CDH18: variants seen among roughly 807,000 people sequenced by gnomAD.
CDH18 encodes cadherin 18, also known as cadherin-18.
CDH18 carries 31 observed loss-of-function variants against 67.9 expected under a neutral mutation model. That is an observed-to-expected ratio of 0.46 (90% CI 0.34 to 0.62). CDH18 has a LOEUF of 0.62. Ranked by LOEUF, CDH18 falls within the 20% of genes least tolerant of loss-of-function variation. The probability of loss-of-function intolerance (pLI) is 0.01; values close to 1 mark genes in which losing one functional copy is unlikely to be tolerated. For synonymous variants in CDH18, 362 were observed against 347.2 expected (o/e 1.04, Z -0.48); for missense variants, 890 against 975.5 (o/e 0.91, Z 1.17).
intron 5 of CDH18, among the ~76,000 whole-genome samples, chr5:19,662,949 T>C (rs982364388): frequency 1.3e-5 from 2 of 151,966 alleles, no homozygotes; most frequent in Admixed American, 6.6e-5. Flanking sequence ...AATAAATTGG[T>C]TAGAAAAGTT....
rs116807329 is a variant in CDH18, at chr5:19,859,170, C to T, written c.-256-19928G>A. Among the ~76,000 whole-genome samples, 428 of 152,168 alleles carry T rather than the reference C, an allele frequency of 2.8e-3. 2 individuals are homozygous for T. Among genetic ancestry groups the T allele is most frequent in the Middle Eastern group, 0.01 (3 of 294 alleles). On this transcript the variant is annotated intron_variant, in intron 2 of 12. Transcript: ENST00000382275. ...TCAGCCAAGGGCATTCCAAAGTTAA[C>T]CTGAAAAACTAGTTCAGGCCATGAT...
chr5:19,553,489 C>T (rs1007879941), intron 8 of CDH18, among the ~76,000 whole-genome samples: 19 of 151,732 alleles, frequency 1.3e-4, no homozygotes, highest in African/African-American at 4.4e-4. Flanking sequence ...TTTGCAGGTA[C>T]AAGACATGAA....
At chr5:19,611,949 C>CGTGTGTGTGTGTGTGTGTGT (rs3062879) in intron 6 of CDH18, among the ~76,000 whole-genome samples, 4 of 139,014 alleles carry the variant, frequency 2.9e-5, no homozygotes, top group African/African-American at 1.1e-4. Flanking sequence ...TTGGATGATG[C>CGTGTGTGTGTGTGTGTGTGT]GTGTGTGTGT....
chr5:20,061,679 G>A (rs1306442035), intron 2 of CDH18, among the ~76,000 whole-genome samples: 3 of 152,092 alleles, frequency 2.0e-5, no homozygotes, highest in African/African-American at 7.2e-5. Context: ...CAAATAATAA[G>A]ACTATAGGTA....
intron 3 of CDH18, among the ~76,000 whole-genome samples, chr5:19,785,266 G>A (rs1038512420): frequency 6.6e-6 from 1 of 151,928 alleles, no homozygotes; most frequent in Admixed American, 6.6e-5. Context: ...CTAGCTTTCA[G>A]GACTGATCCA....
intron 1 of CDH18, among the ~76,000 whole-genome samples, chr5:20,516,669 T>C (rs1175076993): frequency 6.6e-6 from 1 of 151,886 alleles, no homozygotes; most frequent in Non-Finnish European, 1.5e-5. Flanking sequence ...AATTTATTAT[T>C]TTTAAAAATT....
At chr5:20,335,339 G>A (rs188780283) in intron 1 of CDH18, among the ~76,000 whole-genome samples, 5 of 152,106 alleles carry the variant, frequency 3.3e-5, no homozygotes, top group Admixed American at 2.0e-4. Flanking sequence ...ATTCACTTCA[G>A]TTATTCACTG....
intron 2 of CDH18, among the ~76,000 whole-genome samples, chr5:20,249,478 G>A (rs1395095086): frequency 6.6e-6 from 1 of 151,164 alleles, no homozygotes; most frequent in Non-Finnish European, 1.5e-5. Context: ...CGCCTTCCGG[G>A]TTCACGCCAT....
At chr5:19,980,416 TAC>T (rs1798920793) in intron 2 of CDH18, among the ~76,000 whole-genome samples, 1 of 152,098 alleles carries the variant, frequency 6.6e-6, no homozygotes, top group African/African-American at 2.4e-5. Flanking sequence ...ATTAAGGAAA[TAC>T]ACTCTTTATA....
rs60858438 is a variant in CDH18 at position 20,573,806 on chromosome 5, AATATATATATAT to A, written c.-580+1644_-580+1655del. Among the ~76,000 whole-genome samples the A allele has an allele frequency of 2.0e-3, 233 of 119,110 alleles. 2 individuals are homozygous for A. Among genetic ancestry groups the A allele is most frequent in the African/African-American group, 5.6e-3 (201 of 35,658 alleles). The allele number at this position is 119,110 out of a possible 152,430, so 78.1% of individuals were successfully genotyped here. ...TCCCCCAAATATAATACTTAAAAGA[AATATATATATAT>A]ATATATATATATATATATATATATA... On this transcript the variant is annotated intron_variant, in intron 1 of 14. Coordinates refer to the CDH18 transcript ENST00000507958.
chr5:20,011,901 T>C (rs1282282708), intron 2 of CDH18, among the ~76,000 whole-genome samples: 1 of 152,108 alleles, frequency 6.6e-6, no homozygotes, highest in Non-Finnish European at 1.5e-5. Flanking sequence ...AAGTTTTCTT[T>C]TCTGTGTTGT....
intron 4 of CDH18, among the ~76,000 whole-genome samples, chr5:19,725,936 CT>C (rs2150602037): frequency 6.6e-6 from 1 of 152,316 alleles, no homozygotes; most frequent in Non-Finnish European, 1.5e-5. Flanking sequence ...GAAATTAGCT[CT>C]GGCCCTGAAA....
intron 2 of CDH18, among the ~76,000 whole-genome samples, chr5:20,120,500 C>T (rs1276741492): frequency 1.3e-5 from 2 of 152,036 alleles, no homozygotes. Context: ...CTGATAAAGC[C>T]ACTGTATATT....
intron 2 of CDH18, among the ~76,000 whole-genome samples, chr5:19,994,937 T>G (rs1735883784): frequency 1.4e-5 from 2 of 147,026 alleles, no homozygotes. Context: ...AGAGGTCCCA[T>G]GATCTGCGCC....
intron 2 of CDH18, among the ~76,000 whole-genome samples, chr5:19,896,882 T>A (rs1299426088): frequency 6.6e-6 from 1 of 152,058 alleles, no homozygotes; most frequent in Non-Finnish European, 1.5e-5. Flanking sequence ...GGTTAAAGAG[T>A]ACATGGGATT....
chr5:19,790,108 G>A (rs1169622116), intron 3 of CDH18, among the ~76,000 whole-genome samples: 1 of 151,840 alleles, frequency 6.6e-6, no homozygotes, highest in African/African-American at 2.4e-5. Context: ...ATTTGGTTTC[G>A]ACTATTTCAA....
chr5:19,974,510 T>C, intron 2 of CDH18, among the ~76,000 whole-genome samples: 1 of 108,720 alleles, frequency 9.2e-6, no homozygotes. Context: ...CAGAATGAGA[T>C]CCTGTCTCCC....
intron 2 of CDH18, among the ~76,000 whole-genome samples, chr5:20,238,851 A>G (rs1742670847): frequency 6.6e-6 from 1 of 152,152 alleles, no homozygotes; most frequent in Non-Finnish European, 1.5e-5. Flanking sequence ...TATAAAGGCT[A>G]TGAATATTTC....
chr5:19,767,649 C>T (rs1773261281), intron 3 of CDH18, among the ~76,000 whole-genome samples: 1 of 151,816 alleles, frequency 6.6e-6, no homozygotes, highest in South Asian at 2.1e-4. Context: ...AGAGGGGACA[C>T]AATTAAAATA....
Sources: allele counts gnomAD v4.1 joint callset (sites outside exome capture counted in the v4.1 genomes callset), GRCh38; gene constraint gnomAD v4.1.1; transcripts MANE v1.5; gene names NCBI Gene and HGNC (gene_info 2026-07-23, HGNC 2026-07-21).